THSD4: variants seen among roughly 807,000 people sequenced by gnomAD.
THSD4 encodes thrombospondin type 1 domain containing 4, also known as thrombospondin type-1 domain-containing protein 4.
THSD4 carries 69 observed loss-of-function variants against 119.0 expected under a neutral mutation model. That is an observed-to-expected ratio of 0.58 (90% CI 0.48 to 0.71). THSD4 has a LOEUF of 0.71. Among genes scored for constraint, THSD4 ranks in the 30% least tolerant of loss-of-function variants. The pLI is 0.00. For synonymous variants in THSD4, 524 were observed against 540.4 expected (o/e 0.97, Z 0.42); for missense variants, 1,393 against 1,391.1 (o/e 1.00, Z -0.02).
chr15:71,394,462 G>A (rs1379856054), intron 6 of THSD4, among the ~76,000 whole-genome samples: 1 of 151,904 alleles, frequency 6.6e-6, no homozygotes, highest in East Asian at 1.9e-4. Flanking sequence ...TAGTAGAGAC[G>A]GTGTTTCACC....
At chr15:71,309,535 C>G (rs116454736) in intron 6 of THSD4, among the ~76,000 whole-genome samples, 1 of 152,136 alleles carries the variant, frequency 6.6e-6, no homozygotes, top group Non-Finnish European at 1.5e-5. Flanking sequence ...TCTTTGGCTG[C>G]ATGTACATTT....
intron 7 of THSD4, among the ~76,000 whole-genome samples, chr15:71,449,804 A>T (rs1183499541): frequency 6.6e-6 from 1 of 152,206 alleles, no homozygotes; most frequent in Non-Finnish European, 1.5e-5. Flanking sequence ...TTTATACCCA[A>T]TATGCAGGCC....
chr15:71,681,966 A>G (rs889245678), intron 8 of THSD4, among the ~76,000 whole-genome samples: 7 of 152,186 alleles, frequency 4.6e-5, no homozygotes, highest in African/African-American at 1.7e-4. Context: ...GCTGTGCCTC[A>G]GAGAACAGTG....
At chr15:71,557,394 G>A (rs924839767) in intron 7 of THSD4, among the ~76,000 whole-genome samples, 2 of 151,758 alleles carry the variant, frequency 1.3e-5, no homozygotes, top group Non-Finnish European at 2.9e-5. Flanking sequence ...TTTTAAGAGG[G>A]TTCTTTAAAA....
chr15:71,697,479 C>T (rs1331600501), intron 8 of THSD4, among the ~76,000 whole-genome samples: 1 of 152,202 alleles, frequency 6.6e-6, no homozygotes, highest in African/African-American at 2.4e-5. Flanking sequence ...TGTCTCCCAG[C>T]AAGCCTCTGC....
chr15:71,670,082 CT>C (rs781727711), intron 8 of THSD4, among the ~76,000 whole-genome samples: 5 of 151,318 alleles, frequency 3.3e-5, no homozygotes, highest in South Asian at 4.2e-4. Flanking sequence ...TCGGGTGTAC[CT>C]TTTTTTTTAT....
intron 7 of THSD4, among the ~76,000 whole-genome samples, chr15:71,426,849 C>T (rs1200082675): frequency 6.6e-6 from 1 of 152,040 alleles, no homozygotes; most frequent in East Asian, 1.9e-4. Flanking sequence ...GTATCTGTAT[C>T]CTCAGTGCTT....
intron 8 of THSD4, among the ~76,000 whole-genome samples, chr15:71,714,572 G>A (rs2052571069): frequency 6.6e-6 from 1 of 152,136 alleles, no homozygotes; most frequent in African/African-American, 2.4e-5. Context: ...CTGGCCAGGA[G>A]CAGTGGTTCA....
intron 6 of THSD4, among the ~76,000 whole-genome samples, chr15:71,316,690 T>C (rs1043562264): frequency 6.6e-6 from 1 of 152,146 alleles, no homozygotes; most frequent in Non-Finnish European, 1.5e-5. Context: ...TTCCAGCAGC[T>C]GACCAGAGTG....
intron 5 of THSD4, among the ~76,000 whole-genome samples, chr15:71,245,661 C>T (rs908789442): frequency 6.6e-6 from 1 of 152,170 alleles, no homozygotes; most frequent in Non-Finnish European, 1.5e-5. Context: ...AGTTCTATAC[C>T]AGAGAAGTCT....
Position 71,154,885 on chromosome 15 carries a change from C to T in THSD4, c.52C>T (p.Leu18Phe), listed in dbSNP as rs748404211. Reference protein sequence around the residue: ...SLSVLCFLLLLGFQFVCPQPS... With the variant: ...SLSVLCFLLLFGFQFVCPQPS... ...CAGTGTCCTGTGTTTCCTTCTGCTGCTTGGATTCCAGTTCGTCTGCCCACA... is the reference window on the plus strand; with the variant it reads ...CAGTGTCCTGTGTTTCCTTCTGCTGTTTGGATTCCAGTTCGTCTGCCCACA... The change falls in exon 3 of 18, where the codon CTT becomes TTT. Residue 18 changes from leucine to phenylalanine, a missense_variant. Physicochemically the swap from Leu to Phe is conservative, Grantham distance 22. Transcript: ENST00000261862. The T allele has an allele frequency of 6.8e-6, 11 of 1,614,068 alleles. No homozygotes were observed. The highest frequency in any genetic ancestry group is 1.7e-5 in the Admixed American group (1 of 60,006).
chr15:71,219,784 G>A (rs1282408622), intron 4 of THSD4, among the ~76,000 whole-genome samples: 1 of 152,146 alleles, frequency 6.6e-6, no homozygotes, highest in African/African-American at 2.4e-5. Flanking sequence ...AGGCTGGGAG[G>A]AATGAAGTGA....
intron 10 of THSD4, among the ~76,000 whole-genome samples, chr15:71,735,480 A>G (rs1281829526): frequency 7.2e-6 from 1 of 139,130 alleles, no homozygotes; most frequent in African/African-American, 2.7e-5. Flanking sequence ...CTTTCTCACT[A>G]GCTCTCTGTC....
intron 7 of THSD4, among the ~76,000 whole-genome samples, chr15:71,655,584 A>G (rs1290093739): frequency 6.6e-6 from 1 of 152,128 alleles, no homozygotes; most frequent in Non-Finnish European, 1.5e-5. Context: ...ATTACATTCT[A>G]TGTTTGCCTC....
rs186145724 is a variant in THSD4 at position 71,449,978 on chromosome 15, A to G, written c.1152+38155A>G. The stretch of plus-strand genomic sequence containing the variant: ...AAACTACTTCCCATATTAAGGTCCT[A>G]TGACAATGCAAAGAGGTGGATTGGG... On this transcript the variant is annotated intron_variant, in intron 7 of 17. Transcript: ENST00000261862. Among the ~76,000 whole-genome samples, 9 of 152,358 alleles carry G rather than the reference A, an allele frequency of 5.9e-5. No individual in the cohort carries two copies. In the East Asian group the frequency reaches 1.2e-3, roughly 20 times the overall value.
chr15:71,564,395 A>G (rs1489612859), intron 7 of THSD4, among the ~76,000 whole-genome samples: 1 of 152,232 alleles, frequency 6.6e-6, no homozygotes, highest in African/African-American at 2.4e-5. Context: ...GTTTCACAGC[A>G]GAGAGGACAT....
intron 7 of THSD4, among the ~76,000 whole-genome samples, chr15:71,567,905 C>T (rs1274498108): frequency 6.6e-6 from 1 of 152,130 alleles, no homozygotes; most frequent in South Asian, 2.1e-4. Flanking sequence ...CCACCTCTAG[C>T]TGTTGGATAA....
chr15:71,326,724 T>TATATATATA (rs1567196715), intron 6 of THSD4, among the ~76,000 whole-genome samples: 1 of 89,280 alleles, frequency 1.1e-5, no homozygotes, highest in African/African-American at 3.6e-5. Context: ...TATATATATA[T>TATATATATA]ATTAGCTGGG....
At chr15:71,386,344 C>T (rs1232456207) in intron 6 of THSD4, among the ~76,000 whole-genome samples, 1 of 152,140 alleles carries the variant, frequency 6.6e-6, no homozygotes, top group Non-Finnish European at 1.5e-5. Context: ...TTTCCAGATT[C>T]AGCCAAGGGT....
Sources: allele counts gnomAD v4.1 joint callset (sites outside exome capture counted in the v4.1 genomes callset), GRCh38; gene constraint gnomAD v4.1.1; transcripts MANE v1.5; gene names NCBI Gene and HGNC (gene_info 2026-07-23, HGNC 2026-07-21).